AFF1: variants seen among roughly 807,000 people sequenced by gnomAD.
AFF1 encodes the protein ALF transcription elongation factor 1, also known as AF4/FMR2 family member 1.
Under a neutral mutation model 121.7 loss-of-function variants are expected in AFF1, and 48 were observed. The ratio of observed to expected loss-of-function variants is 0.39; its 90% confidence interval spans 0.31 to 0.50. AFF1 has a LOEUF of 0.50. Among genes scored for constraint, AFF1 ranks in the 20% least tolerant of loss-of-function variants. AFF1 has a pLI of 0.76. For missense variants in AFF1, 1,523 were observed against 1,511.7 expected (o/e 1.01, Z -0.12); for synonymous variants, 613 against 563.0 (o/e 1.09, Z -1.26).
At chr4:87,006,504 G>A (rs1298173581) in intron 2 of AFF1, among the ~76,000 whole-genome samples, 1 of 152,112 alleles carries the variant, frequency 6.6e-6, no homozygotes, top group Non-Finnish European at 1.5e-5. Context: ...CAAAAAAGGC[G>A]GGCTGTTTTG....
At chr4:87,039,110 A>G (rs577472098) in intron 2 of AFF1, among the ~76,000 whole-genome samples, 1 of 152,356 alleles carries the variant, frequency 6.6e-6, no homozygotes, top group African/African-American at 2.4e-5. Context: ...TACCAGAGCC[A>G]ACACACTGCC....
chr4:87,082,925 C>G (rs1723316244), intron 4 of AFF1, among the ~76,000 whole-genome samples: 2 of 152,180 alleles, frequency 1.3e-5, no homozygotes, highest in Admixed American at 1.3e-4. Flanking sequence ...GAACCCCTTG[C>G]CATCTGTTCT....
chr4:87,061,410 A>G (rs1285196138), intron 4 of AFF1, among the ~76,000 whole-genome samples: 1 of 152,240 alleles, frequency 6.6e-6, no homozygotes, highest in Non-Finnish European at 1.5e-5. Flanking sequence ...TCTCTTAAAA[A>G]TGAATGCATC....
In AFF1 at chr4:87,004,726, G is replaced by T. The variant is rs540814706; in HGVS notation, c.39-41440G>T. 2.0e-5 allele frequency among the ~76,000 whole-genome samples: 3 copies of T among 152,234 alleles called. No individual in the cohort carries two copies. The South Asian group carries it at 6.2e-4, about 32-fold the overall frequency. ...TTTTGGATTTCAGATTTTCAGATTT[G>T]GGATGCCCAACCCAAACAGATTGAA... is the stretch of plus-strand genomic sequence containing the variant. On this transcript the variant is annotated intron_variant, in intron 2 of 20. Transcript: ENST00000395146.
Position 87,046,639 on chromosome 4 carries a change from T to G in AFF1, c.160-56T>G, listed in dbSNP as rs976579619. ...TAATAGTATTATATAACGTGGTTTG[T>G]TAAATGGTAGTTTTCCTTAGTTTTT... On this transcript the variant is annotated intron_variant, in intron 3 of 20. Coordinates refer to ENST00000395146, the MANE Select transcript of AFF1 (RefSeq NM_001166693.3). 21 of 1,531,506 alleles carry G rather than the reference T, an allele frequency of 1.4e-5. No homozygotes were observed. In the Admixed American group the frequency reaches 1.8e-4, roughly 13 times the overall value. The allele number at this position is 1,531,506 out of a possible 1,614,324, so 94.9% of individuals were successfully genotyped here.
rs1729252075 is a variant in AFF1 at position 87,135,748 on chromosome 4, T to C, written c.*47T>C. 6.3e-7 allele frequency: 1 copy of C among 1,582,644 alleles called. No homozygotes were observed. On this transcript the variant is annotated 3_prime_UTR_variant, in exon 21 of 21. Transcript: ENST00000395146. Reference sequence around the variant, plus strand: ...TGCCTTGGGAACTATTTTTGCACATTGGAAGCCTCAAAAACAGTCCAGACA... The same window carrying C: ...TGCCTTGGGAACTATTTTTGCACATCGGAAGCCTCAAAAACAGTCCAGACA...
intron 4 of AFF1, among the ~76,000 whole-genome samples, chr4:87,067,904 TTCTC>T (rs1379677805): frequency 5.9e-5 from 9 of 152,364 alleles, no homozygotes; most frequent in Non-Finnish European, 8.8e-5. Flanking sequence ...GGATTTTTAT[TTCTC>T]TATCAGTGTG....
intron 2 of AFF1, among the ~76,000 whole-genome samples, chr4:86,996,717 T>C (rs930008246): frequency 2.7e-5 from 4 of 147,324 alleles, no homozygotes; most frequent in Admixed American, 2.6e-4. Context: ...CCAAGAATGA[T>C]CAATTAAAAC....
intron 2 of AFF1, among the ~76,000 whole-genome samples, chr4:86,975,471 G>A (rs1186509764): frequency 6.6e-6 from 1 of 152,044 alleles, no homozygotes. Flanking sequence ...GGCTGGTCTC[G>A]AACTCCTGGT....
At chr4:87,010,511 C>T (rs1726631332) in intron 2 of AFF1, among the ~76,000 whole-genome samples, 1 of 152,188 alleles carries the variant, frequency 6.6e-6, no homozygotes, top group Non-Finnish European at 1.5e-5. Context: ...GAAATAGTTA[C>T]AGAACATGGC....
chr4:87,105,523 T>C (rs1319705520), intron 8 of AFF1, 105 bp from the exon 9 acceptor site: 7 of 1,275,052 alleles, frequency 5.5e-6, no homozygotes, highest in Non-Finnish European at 7.9e-6. Flanking sequence ...AACTTACACA[T>C]ATCCTCTCTC....
Position 87,136,893 on chromosome 4 carries a change from C to T in AFF1, c.*1192C>T, listed in dbSNP as rs1485645022. The stretch of plus-strand genomic sequence containing the variant: ...TAGAGATTTGGGGTGGTTGATTAGA[C>T]TTTTGAAAAACTCATCACCACATGC... On this transcript the variant is annotated 3_prime_UTR_variant, in exon 21 of 21. Coordinates refer to ENST00000395146, the MANE Select transcript of AFF1 (RefSeq NM_001166693.3). 1 of 221,318 alleles carries T rather than the reference C, an allele frequency of 4.5e-6. No homozygotes were observed. Among genetic ancestry groups the T allele is most frequent in the East Asian group, 6.6e-5 (1 of 15,104 alleles). The allele number at this position is 221,318 out of a possible 1,614,324, so 13.7% of individuals were successfully genotyped here.
At chr4:87,086,986 A>G (rs886666031) in intron 5 of AFF1, among the ~76,000 whole-genome samples, 3 of 152,158 alleles carry the variant, frequency 2.0e-5, no homozygotes, top group Non-Finnish European at 2.9e-5. Context: ...AAGATAGCAG[A>G]CATACACTGT....
At chr4:87,082,842 A>G (rs1439624670) in intron 4 of AFF1, among the ~76,000 whole-genome samples, 2 of 152,240 alleles carry the variant, frequency 1.3e-5, no homozygotes, top group East Asian at 3.8e-4. Context: ...TGGTAGATTA[A>G]TAAACCCTAG....
intron 2 of AFF1, among the ~76,000 whole-genome samples, chr4:86,979,603 C>A (rs1723573494): frequency 6.6e-6 from 1 of 152,080 alleles, no homozygotes; most frequent in African/African-American, 2.4e-5. Flanking sequence ...AAATATCAAA[C>A]CTGTCAGAAC....
At chr4:86,946,314 C>G (rs1235486525) in intron 1 of AFF1, among the ~76,000 whole-genome samples, 1 of 152,172 alleles carries the variant, frequency 6.6e-6, no homozygotes, top group Non-Finnish European at 1.5e-5. Flanking sequence ...TGCTTACCTT[C>G]TGTAGTATGT....
In AFF1 at chr4:87,084,153, G is replaced by C. The variant is rs763213187; in HGVS notation, c.1093G>C (p.Glu365Gln). 5 of 1,613,852 alleles carry C rather than the reference G, an allele frequency of 3.1e-6. No individual in the cohort carries two copies. Among genetic ancestry groups the C allele is most frequent in the Non-Finnish European group, 4.2e-6 (5 of 1,179,802 alleles). ...CTCCAATGAAGTCCATTGTGTTGAA[G>C]AGATTCTGAAGGTGAGTTCACTGTT... ...TYSNEVHCVEEILKEMTHSWP... is the reference protein window; with the variant it reads ...TYSNEVHCVEQILKEMTHSWP... The change falls in exon 5 of 21, where the codon GAG becomes CAG. Residue 365 changes from glutamate to glutamine, a missense_variant. Physicochemically the swap from Glu to Gln is conservative, Grantham distance 29. This residue lies in a region of AFF1 where 905 missense variants were observed against 842.5 expected (regional missense o/e 1.07). Transcript: ENST00000395146.
chr4:87,005,812 A>G (rs1726065972), intron 2 of AFF1, among the ~76,000 whole-genome samples: 1 of 151,728 alleles, frequency 6.6e-6, no homozygotes, highest in South Asian at 2.1e-4. Context: ...ACGCTTAAAA[A>G]AAAATAACGT....
chr4:87,131,598 C>G (rs1728834617), intron 17 of AFF1, among the ~76,000 whole-genome samples, 195 bp from the exon 18 acceptor site: 1 of 152,192 alleles, frequency 6.6e-6, no homozygotes, highest in Non-Finnish European at 1.5e-5. Context: ...ACAAGCCACA[C>G]AAGAGACGTG....
Sources: allele counts gnomAD v4.1 joint callset (sites outside exome capture counted in the v4.1 genomes callset), GRCh38; gene constraint gnomAD v4.1.1; regional missense constraint gnomAD v4.1.1; transcripts MANE v1.5; gene names NCBI Gene and HGNC (gene_info 2026-07-23, HGNC 2026-07-21).